Variants in CEP112 observed in about 807,000 individuals in gnomAD.
CEP112 encodes centrosomal protein of 112 kDa.
A neutral mutation model predicts 153.0 loss-of-function variants in CEP112; 127 were observed. That is an observed-to-expected ratio of 0.83 (90% CI 0.72 to 0.96). The LOEUF (loss-of-function observed/expected upper bound fraction) is 0.96. CEP112 is among the 40% of genes least tolerant of loss of function. The pLI is 0.00. For missense variants in CEP112, 1,089 were observed against 1,101.2 expected, an observed-to-expected ratio of 0.99 and a Z score of 0.16; for synonymous variants, 358 against 374.4, an observed-to-expected ratio of 0.96 and a Z score of 0.51.
At chr17:65,870,944 A>C (rs1196500625) in intron 20 of CEP112, among the ~76,000 whole-genome samples, 2 of 152,218 alleles carry the variant, frequency 1.3e-5, no homozygotes, top group African/African-American at 4.8e-5. Context: ...TCCCCTTTCC[A>C]GGGAAGCAGA....
At chr17:65,870,530 C>G (rs2058638866) in intron 20 of CEP112, among the ~76,000 whole-genome samples, 1 of 152,042 alleles carries the variant, frequency 6.6e-6, no homozygotes, top group Non-Finnish European at 1.5e-5. Flanking sequence ...TTTTTCTAGA[C>G]TCAAATAGAA....
intron 12 of CEP112, among the ~76,000 whole-genome samples, chr17:66,037,001 A>G (rs1175686379): frequency 1.3e-5 from 2 of 152,202 alleles, no homozygotes; most frequent in Non-Finnish European, 2.9e-5. Flanking sequence ...ACAATCTATT[A>G]TAATAAAGGG....
chr17:65,777,623 G>A (rs1160237765), intron 21 of CEP112, among the ~76,000 whole-genome samples: 1 of 152,128 alleles, frequency 6.6e-6, no homozygotes, highest in Non-Finnish European at 1.5e-5. Context: ...GTGTCTAGTG[G>A]TTGAAGTTCT....
chr17:65,970,762 T>A (rs2062713863), intron 17 of CEP112, among the ~76,000 whole-genome samples: 1 of 50,426 alleles, frequency 2.0e-5, no homozygotes, highest in South Asian at 1.7e-3. Flanking sequence ...ATTACAGGTA[T>A]GTTACATGTT....
intron 23 of CEP112, among the ~76,000 whole-genome samples, chr17:65,697,171 T>G (rs1308115367): frequency 6.6e-6 from 1 of 152,248 alleles, no homozygotes; most frequent in Non-Finnish European, 1.5e-5. Flanking sequence ...CATCAAATAT[T>G]TGTTAAGTTA....
rs1474654313 is a variant in CEP112 at position 65,635,928 on chromosome 17, C to T, written c.*43G>A. ...CTTCAAACCTGCTGGAAGAAGTCCA[C>T]AGCACAGCCTGGAAATTGCATCCGT... On this transcript the variant is annotated 3_prime_UTR_variant, in exon 27 of 27. Transcript: ENST00000535342. The T allele has an allele frequency of 1.3e-6, 2 of 1,590,032 alleles. No individual in the cohort carries two copies. Among genetic ancestry groups the T allele is most frequent in the Non-Finnish European group, 1.7e-6 (2 of 1,165,606 alleles).
chr17:65,650,082 G>C (rs563538973), intron 24 of CEP112, among the ~76,000 whole-genome samples: 1 of 152,228 alleles, frequency 6.6e-6, no homozygotes, highest in Non-Finnish European at 1.5e-5. Context: ...TACCAGACAT[G>C]TTTGCTTTCT....
chr17:65,859,285 C>T (rs2058223514), intron 20 of CEP112, among the ~76,000 whole-genome samples: 1 of 151,250 alleles, frequency 6.6e-6, no homozygotes, highest in Non-Finnish European at 1.5e-5. Flanking sequence ...ACTGAAAATA[C>T]AAAAAGTAGC....
At chr17:65,711,037 G>A (rs1037405816) in intron 23 of CEP112, among the ~76,000 whole-genome samples, 1 of 152,200 alleles carries the variant, frequency 6.6e-6, no homozygotes, top group Non-Finnish European at 1.5e-5. Context: ...TGGTGGCGAC[G>A]AGTGGGTGGC....
At chr17:65,936,629 A>G (rs2061315128) in intron 18 of CEP112, among the ~76,000 whole-genome samples, 1 of 152,240 alleles carries the variant, frequency 6.6e-6, no homozygotes, top group Admixed American at 6.5e-5. Flanking sequence ...GTGTTTCAAC[A>G]TATGCAAATC....
chr17:66,147,373 C>A (rs1028776114), intron 4 of CEP112, among the ~76,000 whole-genome samples: 12 of 151,930 alleles, frequency 7.9e-5, no homozygotes, highest in East Asian at 1.9e-4. Context: ...GAGATGAGTT[C>A]TTTACATATT....
intron 21 of CEP112, among the ~76,000 whole-genome samples, chr17:65,802,035 A>G (rs1340494545): frequency 3.3e-5 from 5 of 152,124 alleles, no homozygotes; most frequent in Admixed American, 2.6e-4. Flanking sequence ...TTTTGTTGTA[A>G]TAGTGGTGGT....
rs532666303 is a variant in CEP112 at position 66,018,063 on chromosome 17, G to A, written c.1656+9438C>T. Among the ~76,000 whole-genome samples, 106 of 151,822 alleles carry A rather than the reference G, an allele frequency of 7.0e-4. 1 individual carries two copies. The highest frequency in any genetic ancestry group is 2.2e-3 in the African/African-American group (93 of 41,424). The stretch of plus-strand genomic sequence containing the variant: ...AATTAAAGAACAAACAACCTAGAAA[G>A]AGATAATGCTATTTCCACCCCTTCC... On this transcript the variant is annotated intron_variant, in intron 16 of 26. Transcript: ENST00000535342.
chr17:66,158,599 G>A (rs1192831844), intron 4 of CEP112, among the ~76,000 whole-genome samples: 4 of 151,744 alleles, frequency 2.6e-5, no homozygotes, highest in African/African-American at 7.2e-5. Context: ...ATGACAGAGC[G>A]AGACTCCATC....
intron 6 of CEP112, among the ~76,000 whole-genome samples, chr17:66,099,431 G>A (rs1287497863): frequency 1.3e-5 from 2 of 149,410 alleles, no homozygotes; most frequent in Non-Finnish European, 3.0e-5. Flanking sequence ...TTGAACCCAA[G>A]AGGTGGAGGT....
chr17:66,147,286 A>G (rs1281977902), intron 4 of CEP112, among the ~76,000 whole-genome samples: 4 of 151,962 alleles, frequency 2.6e-5, no homozygotes, highest in Admixed American at 2.6e-4. Flanking sequence ...CTTATTGGCC[A>G]TTTTTATATC....
At chr17:65,642,476 G>A (rs532304868) in intron 24 of CEP112, among the ~76,000 whole-genome samples, 1 of 151,992 alleles carries the variant, frequency 6.6e-6, no homozygotes, top group South Asian at 2.1e-4. Context: ...AAATCCTGTG[G>A]CCACTGTTAT....
rs747900198 is a variant in CEP112, at chr17:66,153,355, C to T, written c.471-20592G>A. Among the ~76,000 whole-genome samples, 14 of 149,770 alleles carry T rather than the reference C, an allele frequency of 9.3e-5. No homozygotes were observed. In the East Asian group the frequency reaches 9.8e-4, roughly 11 times the overall value. On this transcript the variant is annotated intron_variant, in intron 4 of 26. Coordinates refer to ENST00000535342, the MANE Select transcript of CEP112 (RefSeq NM_001199165.4). ...ATCAATGAAATACCACTCAGGAACA[C>T]GAAGGAATGAACTACTGATACAAGA...
chr17:65,865,162 C>T (rs898819325), intron 20 of CEP112, among the ~76,000 whole-genome samples: 5 of 152,066 alleles, frequency 3.3e-5, no homozygotes, highest in African/African-American at 1.2e-4. Context: ...CCACCTCAGC[C>T]TTCCCAGTAG....
Sources: allele counts gnomAD v4.1 joint callset (sites outside exome capture counted in the v4.1 genomes callset), GRCh38; gene constraint gnomAD v4.1.1; transcripts MANE v1.5; gene names NCBI Gene and HGNC (gene_info 2026-07-23, HGNC 2026-07-21).